The following PDZRN4 variants were observed in gnomAD, a reference collection of about 807,000 sequenced individuals.
PDZRN4 encodes the protein PDZ domain containing ring finger 4, also known as PDZ domain-containing RING finger protein 4.
PDZRN4 carries 70 observed loss-of-function variants against 99.0 expected under a neutral mutation model. The observed-to-expected ratio is 0.71, with a 90% CI of 0.58 to 0.86. The LOEUF (loss-of-function observed/expected upper bound fraction) is 0.86. Among genes scored for constraint, PDZRN4 ranks in the 40% least tolerant of loss-of-function variants. The pLI is 0.00. For missense variants in PDZRN4, 1,474 were observed against 1,331.2 expected (o/e 1.11, Z -1.67); for synonymous variants, 551 against 501.6 (o/e 1.10, Z -1.32).
chr12:41,404,746 A>C (rs1952331645), intron 3 of PDZRN4, among the ~76,000 whole-genome samples: 1 of 148,806 alleles, frequency 6.7e-6, no homozygotes, highest in Non-Finnish European at 1.5e-5. Context: ...AGCTATACTA[A>C]AAAAAAAAAG....
At chr12:41,500,653 C>A (rs965406328) in intron 3 of PDZRN4, among the ~76,000 whole-genome samples, 3 of 151,734 alleles carry the variant, frequency 2.0e-5, no homozygotes, top group African/African-American at 7.3e-5. Context: ...TATTATGTGA[C>A]TTCTTTTTAT....
intron 3 of PDZRN4, among the ~76,000 whole-genome samples, chr12:41,410,966 C>T (rs1050595736): frequency 4.6e-5 from 7 of 151,970 alleles, no homozygotes; most frequent in Non-Finnish European, 7.4e-5. Context: ...GCAGCCCATA[C>T]CTCCAAGGTT....
chr12:41,302,140 AT>A, intron 3 of PDZRN4, among the ~76,000 whole-genome samples: 1 of 152,204 alleles, frequency 6.6e-6, no homozygotes, highest in Admixed American at 6.5e-5. Context: ...GTGTATATAG[AT>A]GTTTATATGT....
At chr12:41,326,958 C>T (rs775063055) in intron 3 of PDZRN4, among the ~76,000 whole-genome samples, 54 of 152,156 alleles carry the variant, frequency 3.5e-4, no homozygotes, top group Middle Eastern at 3.4e-3. Context: ...TATTTGCTCC[C>T]GAATGTCTGA....
chr12:41,197,920 G>GTTTTTTTTT (rs533696414), intron 3 of PDZRN4, among the ~76,000 whole-genome samples: 4 of 115,592 alleles, frequency 3.5e-5, no homozygotes, highest in South Asian at 3.0e-4. Context: ...TTTTTTCTGG[G>GTTTTTTTTT]TTTTTTTTTT....
At chr12:41,357,462 A>G (rs776975753) in intron 3 of PDZRN4, among the ~76,000 whole-genome samples, 41 of 151,964 alleles carry the variant, frequency 2.7e-4, no homozygotes, top group Admixed American at 5.3e-4. Context: ...TTATTTGTCA[A>G]TTAAATAACT....
intron 3 of PDZRN4, among the ~76,000 whole-genome samples, chr12:41,354,372 G>A (rs987801903): frequency 1.3e-5 from 2 of 151,912 alleles, no homozygotes; most frequent in Non-Finnish European, 2.9e-5. Context: ...GCATCAGAGG[G>A]AAGGATGCAA....
intron 3 of PDZRN4, among the ~76,000 whole-genome samples, chr12:41,469,949 T>TA (rs991275871): frequency 4.0e-5 from 6 of 151,582 alleles, no homozygotes; most frequent in Admixed American, 2.0e-4. Context: ...AAATAAAAAA[T>TA]AAAAAAAATA....
intron 5 of PDZRN4, among the ~76,000 whole-genome samples, chr12:41,511,628 G>A (rs1289250670): frequency 6.6e-6 from 1 of 152,136 alleles, no homozygotes; most frequent in Non-Finnish European, 1.5e-5. Flanking sequence ...CATGGTTAAA[G>A]GTGGGAGTGG....
chr12:41,218,368 A>G (rs2120717117), intron 3 of PDZRN4, among the ~76,000 whole-genome samples: 1 of 152,196 alleles, frequency 6.6e-6, no homozygotes, highest in African/African-American at 2.4e-5. Flanking sequence ...GACAAATGCA[A>G]TTCTGTTTCA....
chr12:41,321,036 T>C (rs751483983), intron 3 of PDZRN4, among the ~76,000 whole-genome samples: 2 of 152,202 alleles, frequency 1.3e-5, no homozygotes, highest in Non-Finnish European at 2.9e-5. Flanking sequence ...ATCATACCCC[T>C]GAAACATTTT....
In PDZRN4 at chr12:41,465,816, C is replaced by T. The variant is rs987942883; in HGVS notation, c.844-40640C>T. 8.5e-5 allele frequency among the ~76,000 whole-genome samples: 13 copies of T among 152,160 alleles called. No individual in the cohort carries two copies. The East Asian group carries it at 2.5e-3, about 29-fold the overall frequency. On this transcript the variant is annotated intron_variant, in intron 3 of 9. Transcript: ENST00000402685. ...TGCCAACTGTTTATTTATAGAGTTTCACCCAGTGATACTTATATAACTTAA... is the reference window on the plus strand; with the variant it reads ...TGCCAACTGTTTATTTATAGAGTTTTACCCAGTGATACTTATATAACTTAA...
chr12:41,378,351 C>T (rs1221358978), intron 3 of PDZRN4, among the ~76,000 whole-genome samples: 3 of 151,946 alleles, frequency 2.0e-5, no homozygotes, highest in Non-Finnish European at 4.4e-5. Context: ...GTGTACGAAA[C>T]TTTTAATGTG....
At chr12:41,221,130 G>A (rs1344010211) in intron 3 of PDZRN4, among the ~76,000 whole-genome samples, 2 of 152,166 alleles carry the variant, frequency 1.3e-5, no homozygotes, top group African/African-American at 4.8e-5. Flanking sequence ...CTGGAAGGAG[G>A]CCAGATTCCA....
At chr12:41,515,649 T>G (rs1258059820) in intron 5 of PDZRN4, among the ~76,000 whole-genome samples, 1 of 152,052 alleles carries the variant, frequency 6.6e-6, no homozygotes, top group East Asian at 1.9e-4. Flanking sequence ...GCCAAACCAA[T>G]AAGTGATCAT....
intron 3 of PDZRN4, among the ~76,000 whole-genome samples, chr12:41,360,898 AT>A (rs1465684228): frequency 1.3e-5 from 2 of 151,978 alleles, no homozygotes; most frequent in Non-Finnish European, 2.9e-5. Context: ...AGAGCAAAAA[AT>A]ATCCCAAAAA....
chr12:41,520,085 C>G (rs1385233603), intron 5 of PDZRN4, among the ~76,000 whole-genome samples: 1 of 152,124 alleles, frequency 6.6e-6, no homozygotes, highest in Non-Finnish European at 1.5e-5. Flanking sequence ...ATCCCCTCTT[C>G]TCTTCCTCCA....
At chr12:41,499,210 C>CA (rs1204224552) in intron 3 of PDZRN4, among the ~76,000 whole-genome samples, 1 of 151,710 alleles carries the variant, frequency 6.6e-6, no homozygotes, top group African/African-American at 2.4e-5. Context: ...CTTAACCAAA[C>CA]AAAAAAACAG....
intron 3 of PDZRN4, among the ~76,000 whole-genome samples, chr12:41,268,117 T>C (rs1951290884): frequency 8.9e-6 from 1 of 112,722 alleles, no homozygotes; most frequent in African/African-American, 4.7e-5. Context: ...AAAAGAGGCA[T>C]TTTTTTTATT....
Sources: gnomAD v4.1 joint callset for allele counts (sites outside exome capture counted in the v4.1 genomes callset) on GRCh38, gnomAD v4.1.1 for gene constraint, MANE v1.5 for transcripts, NCBI Gene and HGNC (gene_info 2026-07-23, HGNC 2026-07-21) for gene names.